The following ATP2C1 variants were observed in gnomAD, a reference collection of about 807,000 sequenced individuals.
ATP2C1 encodes the protein ATPase secretory pathway Ca2+ transporting 1.
In ATP2C1, 31 loss-of-function variants were observed where a neutral mutation model predicts 120.5. The observed-to-expected ratio is 0.26, with a 90% confidence interval of 0.19 to 0.35. The LOEUF (loss-of-function observed/expected upper bound fraction) is 0.35, where lower values mean the gene tolerates loss of function less well. ATP2C1 is among the 10% of genes least tolerant of loss of function. The pLI, the probability that ATP2C1 is intolerant of heterozygous loss-of-function variation, is 1.00. For synonymous variants in ATP2C1, 351 were observed against 358.7 expected (o/e 0.98, Z 0.24); for missense variants, 731 against 1,107.5 (o/e 0.66, Z 4.83).
chr3:131,003,819 T>TA (rs2062999558), downstream of ATP2C1, among the ~76,000 whole-genome samples: 1 of 152,194 alleles, frequency 6.6e-6, no homozygotes, highest in African/African-American at 2.4e-5. Flanking sequence ...ACTATATAAG[T>TA]AAAGTAAGTA....
At chr3:130,903,640 GC>G (rs2057972884) in intron 2 of ATP2C1, among the ~76,000 whole-genome samples, 1 of 148,100 alleles carries the variant, frequency 6.8e-6, no homozygotes, top group African/African-American at 2.5e-5. Context: ...CTTTCCTTCT[GC>G]CCCTTCCTCC....
chr3:130,986,818 G>A (rs1405325016), intron 20 of ATP2C1, among the ~76,000 whole-genome samples: 2 of 151,958 alleles, frequency 1.3e-5, no homozygotes, highest in African/African-American at 4.8e-5. Flanking sequence ...TTGTGTTCAT[G>A]TGACCCTTTT....
chr3:130,967,301 G>T, intron 15 of ATP2C1, 29 bp from the exon 16 acceptor site: 2 of 1,612,176 alleles, frequency 1.2e-6, no homozygotes, highest in South Asian at 1.1e-5. Context: ...CACAGTGATA[G>T]GTTCATAGTT....
At chr3:130,929,460 C>T (rs2059362679) in intron 2 of ATP2C1, among the ~76,000 whole-genome samples, 1 of 152,072 alleles carries the variant, frequency 6.6e-6, no homozygotes, top group African/African-American at 2.4e-5. Flanking sequence ...AATATTTTAT[C>T]CTAAAAATGT....
At chr3:130,998,453 A>G in intron 26 of ATP2C1, 64 bp downstream of exon 26, 7 of 1,207,636 alleles carry the variant, frequency 5.8e-6, no homozygotes, top group Non-Finnish European at 8.6e-6. Flanking sequence ...GCTTTCTAAT[A>G]AGTAGGCAAA....
rs190707778 is a variant in ATP2C1, at chr3:130,911,648, A to G, written c.6+16873A>G. Among the ~76,000 whole-genome samples, 109 of 152,342 alleles carry G rather than the reference A, an allele frequency of 7.2e-4. 1 individual carries two copies. Among genetic ancestry groups the G allele is most frequent in the African/African-American group, 2.4e-3 (100 of 41,586 alleles). ...CATTCCATGCTCATGGGTAGGAAGA[A>G]TCAATATTGTGAAAATGGCCATACT... On this transcript the variant is annotated intron_variant, in intron 2 of 27. Coordinates refer to ENST00000510168, the MANE Select transcript of ATP2C1 (RefSeq NM_001378687.1).
chr3:130,894,447 C>T lies in ATP2C1; in HGVS notation c.-181+110C>T, dbSNP rs2069395537. 1 of 1,316,086 alleles carries T rather than the reference C, an allele frequency of 7.6e-7. No individual in the cohort carries two copies. Among genetic ancestry groups the T allele is most frequent in the Non-Finnish European group, 9.7e-7 (1 of 1,027,160 alleles). The allele number at this position is 1,316,086 out of a possible 1,614,324, so 81.5% of individuals were successfully genotyped here. A position where few individuals can be genotyped will look rare whatever the true frequency, so the allele number is the denominator to read the frequency against. On this transcript the variant is annotated intron_variant, in intron 1 of 27. Coordinates refer to ENST00000510168, the MANE Select transcript of ATP2C1 (RefSeq NM_001378687.1). This position sits in a 1 kb window ranked among gnomAD's most constrained non-coding sequence, Gnocchi z 4.5. ...GGGGGGCATCTCTAGGGCGCCGCCCCGCTGGCGTGAGCTGGGGACGTTGCG... is the reference window on the plus strand; with the variant it reads ...GGGGGGCATCTCTAGGGCGCCGCCCTGCTGGCGTGAGCTGGGGACGTTGCG...
At chr3:130,916,962 A>C (rs545496149) in intron 2 of ATP2C1, among the ~76,000 whole-genome samples, 2 of 152,198 alleles carry the variant, frequency 1.3e-5, no homozygotes, top group Non-Finnish European at 2.9e-5. Flanking sequence ...GTCATTGGTT[A>C]CTATAAATGA....
At chr3:130,934,257 G>A (rs762778075) in intron 4 of ATP2C1, among the ~76,000 whole-genome samples, 6 of 152,136 alleles carry the variant, frequency 3.9e-5, no homozygotes, top group Middle Eastern at 3.4e-3. Flanking sequence ...TCAGTATTTC[G>A]CCCAAATTTT....
At chr3:130,975,552 A>G (rs1199155293) in intron 18 of ATP2C1, 64 bp downstream of exon 18, 1 of 1,533,682 alleles carries the variant, frequency 6.5e-7, no homozygotes, top group Non-Finnish European at 8.9e-7. Flanking sequence ...ATTGCAGATG[A>G]ATTCATGCTT....
chr3:130,870,624 T>C (rs1402765193), intron 1 of ATP2C1, among the ~76,000 whole-genome samples: 1 of 152,352 alleles, frequency 6.6e-6, no homozygotes, highest in Non-Finnish European at 1.5e-5. Flanking sequence ...AAGATGTTAC[T>C]GAATTGCTGC....
At chr3:130,963,862 T>G in intron 12 of ATP2C1, 109 bp from the exon 13 acceptor site, 2 of 1,332,424 alleles carry the variant, frequency 1.5e-6, no homozygotes, top group Non-Finnish European at 2.1e-6. Flanking sequence ...TTTTAGGTAT[T>G]GACTATATTA....
At chr3:131,016,181 G>C in exon 27 of ATP2C1, 3 of 1,614,120 alleles carry the variant, frequency 1.9e-6, no homozygotes, top group Non-Finnish European at 2.5e-6. Flanking sequence ...GTGGACAGCA[G>C]CTGGTTGAGA....
chr3:131,005,749 C>A (rs1168023505), downstream of ATP2C1, among the ~76,000 whole-genome samples: 1 of 152,158 alleles, frequency 6.6e-6, no homozygotes, highest in African/African-American at 2.4e-5. Context: ...TAAAAACTTT[C>A]CTTTAGCATA....
At chr3:130,945,182 T>G (rs1393609787) in intron 8 of ATP2C1, among the ~76,000 whole-genome samples, 1 of 152,012 alleles carries the variant, frequency 6.6e-6, no homozygotes, top group Non-Finnish European at 1.5e-5. Context: ...GCTTTGGGCA[T>G]GTTATTTGTT....
At chr3:130,934,950 A>C (rs750964329) in intron 5 of ATP2C1, among the ~76,000 whole-genome samples, 1 of 152,130 alleles carries the variant, frequency 6.6e-6, no homozygotes, top group Non-Finnish European at 1.5e-5. Context: ...TTTCTGCCTC[A>C]GCATCCTGAG....
chr3:130,941,246 GTGTGTGTGTGTGTGTGTGTC>G (rs1186038156), intron 7 of ATP2C1, among the ~76,000 whole-genome samples: 119 of 149,626 alleles, frequency 8.0e-4, no homozygotes, highest in Non-Finnish European at 1.5e-3. Context: ...GTGTGTGTGT[GTGTGTGTGTGTGTGTGTGTC>G]TGTGTGTGTG....
At chr3:130,943,930 G>A (rs1387884312) in intron 8 of ATP2C1, among the ~76,000 whole-genome samples, 3 of 152,192 alleles carry the variant, frequency 2.0e-5, no homozygotes, top group Non-Finnish European at 4.4e-5. Flanking sequence ...GCTTATTGGA[G>A]TTTTGTTGGC....
intron 1 of ATP2C1, among the ~76,000 whole-genome samples, chr3:130,859,795 A>G (rs2067958350): frequency 6.6e-6 from 1 of 152,204 alleles, no homozygotes; most frequent in South Asian, 2.1e-4. Flanking sequence ...GAAACATGGG[A>G]GTCAGTAAAT....
Sources: gnomAD v4.1 joint callset for allele counts (sites outside exome capture counted in the v4.1 genomes callset) on GRCh38, gnomAD v4.1.1 for gene constraint, Gnocchi (gnomAD v3.1) non-coding constraint, MANE v1.5 for transcripts, NCBI Gene and HGNC (gene_info 2026-07-23, HGNC 2026-07-21) for gene names.